ENTREP2: variants seen among roughly 807,000 people sequenced by gnomAD.
ENTREP2 encodes protein ENTREP2.
chr15:29,252,544 C>A, the ENTREP2 span: 1 of 836,062 alleles, frequency 1.2e-6, no homozygotes, highest in South Asian at 1.7e-5. Flanking sequence ...AATGACATGG[C>A]TTTACAACAG....
chr15:29,286,897 T>C, the ENTREP2 span, among the ~76,000 whole-genome samples: 3 of 152,244 alleles, frequency 2.0e-5, no homozygotes, highest in African/African-American at 4.8e-5. Context: ...CCTGGCACAA[T>C]GTTTCCCTCA....
chr15:29,648,630 G>A, the ENTREP2 span, among the ~76,000 whole-genome samples: 15 of 152,216 alleles, frequency 9.9e-5, no homozygotes, highest in South Asian at 2.1e-4. Flanking sequence ...TTGAAGTTAC[G>A]CAATGATTAC....
At chr15:29,489,319 T>C in the ENTREP2 span, among the ~76,000 whole-genome samples, 4 of 152,146 alleles carry the variant, frequency 2.6e-5, no homozygotes, top group Non-Finnish European at 5.9e-5. Context: ...CTTGTAGCAA[T>C]ATCAAAAGGT....
chr15:29,554,218 G>A, the ENTREP2 span, among the ~76,000 whole-genome samples: 1 of 151,932 alleles, frequency 6.6e-6, no homozygotes, highest in African/African-American at 2.4e-5. Context: ...GGAGGCTGAG[G>A]CAAGAGAATT....
the ENTREP2 span, among the ~76,000 whole-genome samples, chr15:29,372,714 G>A: frequency 6.6e-6 from 1 of 152,128 alleles, no homozygotes; most frequent in African/African-American, 2.4e-5. Context: ...GTGAAAATAA[G>A]TCATTTGACT....
chr15:29,577,376 T>C, the ENTREP2 span, among the ~76,000 whole-genome samples: 25 of 136,930 alleles, frequency 1.8e-4, no homozygotes, highest in Admixed American at 1.8e-3. Context: ...ACACGTGTGA[T>C]AGGGTGTTAC....
the ENTREP2 span, among the ~76,000 whole-genome samples, chr15:29,538,204 G>A: frequency 6.6e-5 from 10 of 152,114 alleles, no homozygotes; most frequent in Non-Finnish European, 1.3e-4. Context: ...GAAGAGGTGG[G>A]TGACTATGCA....
chr15:29,188,644 T>C, the ENTREP2 span, among the ~76,000 whole-genome samples: 1 of 152,228 alleles, frequency 6.6e-6, no homozygotes, highest in African/African-American at 2.4e-5. Context: ...TATTTGGTGT[T>C]TGACCCCAGC....
At chr15:29,193,720 C>T in the ENTREP2 span, among the ~76,000 whole-genome samples, 4 of 152,292 alleles carry the variant, frequency 2.6e-5, no homozygotes, top group East Asian at 5.8e-4. Flanking sequence ...CCTCTCTTTG[C>T]ATAGCACATG....
chr15:29,183,520 G>T, the ENTREP2 span, among the ~76,000 whole-genome samples: 1 of 152,144 alleles, frequency 6.6e-6, no homozygotes, highest in Non-Finnish European at 1.5e-5. Context: ...TGAGAAACTG[G>T]GAACAACCCA....
the ENTREP2 span, among the ~76,000 whole-genome samples, chr15:29,322,170 T>C: frequency 1.3e-5 from 2 of 152,308 alleles, no homozygotes; most frequent in South Asian, 4.1e-4. Context: ...CAAACTTATA[T>C]ATATGTATTA....
chr15:29,481,423 A>C, the ENTREP2 span, among the ~76,000 whole-genome samples: 1 of 152,070 alleles, frequency 6.6e-6, no homozygotes, highest in Non-Finnish European at 1.5e-5. Context: ...ACAGAATTAA[A>C]ACAACCCTCC....
At chr15:29,651,466 G>A in the ENTREP2 span, among the ~76,000 whole-genome samples, 1 of 152,174 alleles carries the variant, frequency 6.6e-6, no homozygotes, top group African/African-American at 2.4e-5. Context: ...AGGCAGGCCT[G>A]GGCCTCCCAT....
the ENTREP2 span, among the ~76,000 whole-genome samples, chr15:29,349,958 T>C: frequency 1.2e-4 from 19 of 152,070 alleles, no homozygotes; most frequent in Non-Finnish European, 2.2e-4. Context: ...ATTGGAGCTG[T>C]TTTCCCTTTT....
At chr15:29,674,127 AT>A in the ENTREP2 span, among the ~76,000 whole-genome samples, 2 of 30,370 alleles carry the variant, frequency 6.6e-5, no homozygotes, top group African/African-American at 2.6e-4. Context: ...CCTGCAGAGG[AT>A]GGGGGGGGGG....
the ENTREP2 span, among the ~76,000 whole-genome samples, chr15:29,655,250 G>A: frequency 6.6e-6 from 1 of 152,106 alleles, no homozygotes; most frequent in Non-Finnish European, 1.5e-5. Context: ...AGTGTAACAA[G>A]AAAAACTCTC....
chr15:29,657,048 T>G, the ENTREP2 span, among the ~76,000 whole-genome samples: 1 of 152,220 alleles, frequency 6.6e-6, no homozygotes, highest in East Asian at 1.9e-4. Context: ...TGGTGAGTGT[T>G]ACAGCTCTTT....
At chr15:29,313,558 T>C in the ENTREP2 span, among the ~76,000 whole-genome samples, 1 of 146,126 alleles carries the variant, frequency 6.8e-6, no homozygotes, top group Middle Eastern at 3.6e-3. Context: ...GTTTAAAGCA[T>C]GGTTTACTTA....
At chr15:29,150,932 A>G in the ENTREP2 span, among the ~76,000 whole-genome samples, 1 of 152,160 alleles carries the variant, frequency 6.6e-6, no homozygotes, top group Non-Finnish European at 1.5e-5. Flanking sequence ...GCAGAAAGAC[A>G]CACACAGAGA....
Sources: allele counts gnomAD v4.1 joint callset (sites outside exome capture counted in the v4.1 genomes callset), GRCh38; gene constraint gnomAD v4.1.1; transcripts MANE v1.5; gene names NCBI Gene and HGNC (gene_info 2026-07-23, HGNC 2026-07-21).